FTCDNL1: variants seen among roughly 807,000 people sequenced by gnomAD.
FTCDNL1 encodes the protein formiminotransferase cyclodeaminase N-terminal like, also known as formiminotransferase N-terminal subdomain-containing protein.
Under a neutral mutation model 5.9 loss-of-function variants are expected in FTCDNL1, and 11 were observed. The observed-to-expected ratio is 1.87, with a 90% CI of 1.18 to 3.10. FTCDNL1 has a LOEUF of 3.10. Ranked by LOEUF, FTCDNL1 falls within the 30% of genes most tolerant of loss-of-function variation. The probability of loss-of-function intolerance (pLI) is 0.00; values close to 1 mark genes in which losing one functional copy is unlikely to be tolerated. For synonymous variants in FTCDNL1, 58 were observed against 24.8 expected (o/e 2.34, Z -3.99); for missense variants, 115 against 65.5 (o/e 1.76, Z -2.61).
At chr2:199,733,534 T>G in the FTCDNL1 span, among the ~76,000 whole-genome samples, 1 of 152,158 alleles carries the variant, frequency 6.6e-6, no homozygotes, top group Non-Finnish European at 1.5e-5. Flanking sequence ...TGTGAAGTAT[T>G]CAGAAAGATG....
In FTCDNL1 at chr2:199,836,277, A is replaced by G. The variant is rs191136083; in HGVS notation, c.211+9798T>C. 9.9e-4 allele frequency among the ~76,000 whole-genome samples: 151 copies of G among 152,144 alleles called. 4 individuals carry two copies. In the East Asian group the frequency reaches 0.025, roughly 25 times the overall value. On this transcript the variant is annotated intron_variant, in intron 3 of 4. Coordinates refer to ENST00000420128, the MANE Select transcript of FTCDNL1 (RefSeq NM_001363886.2). Reference sequence around the variant, plus strand: ...CCTCCTGGGCTCAAGGGATCCTCCCATCTCAGCTTCCCAAGTAACTAAGAC... The same window carrying G: ...CCTCCTGGGCTCAAGGGATCCTCCCGTCTCAGCTTCCCAAGTAACTAAGAC...
At chr2:199,837,502 G>A (rs1702834005) in intron 3 of FTCDNL1, among the ~76,000 whole-genome samples, 1 of 152,116 alleles carries the variant, frequency 6.6e-6, no homozygotes, top group Admixed American at 6.5e-5. Flanking sequence ...AGCAACTGGA[G>A]AATCAGAGTA....
the FTCDNL1 span, among the ~76,000 whole-genome samples, chr2:199,753,293 C>T: frequency 6.6e-6 from 1 of 152,108 alleles, no homozygotes; most frequent in African/African-American, 2.4e-5. Flanking sequence ...TGCAGGAGAG[C>T]ATTTCAGGTG....
chr2:199,774,589 A>G (rs1406281165), intron 3 of FTCDNL1, among the ~76,000 whole-genome samples: 6 of 152,082 alleles, frequency 3.9e-5, no homozygotes, highest in African/African-American at 1.4e-4. Context: ...CAGCTCAGAG[A>G]GTTCCAGGCA....
intron 3 of FTCDNL1, among the ~76,000 whole-genome samples, chr2:199,772,884 T>C (rs149344281): frequency 6.6e-4 from 100 of 152,342 alleles, no homozygotes; most frequent in African/African-American, 2.3e-3. Flanking sequence ...CCACACGCCC[T>C]GTATTAATAA....
chr2:199,667,957 C>T, the FTCDNL1 span, among the ~76,000 whole-genome samples: 2 of 152,170 alleles, frequency 1.3e-5, no homozygotes, highest in South Asian at 4.1e-4. Context: ...AAATAGTAGT[C>T]ACCGAACCCA....
chr2:199,717,509 ATTTTTTTTTTTTT>A, the FTCDNL1 span, among the ~76,000 whole-genome samples: 1 of 57,660 alleles, frequency 1.7e-5, no homozygotes, highest in African/African-American at 7.2e-5. Flanking sequence ...CAAGGCAGAG[ATTTTTTTTTTTTT>A]TTTTTTTTTT....
intron 3 of FTCDNL1, among the ~76,000 whole-genome samples, chr2:199,781,082 T>C (rs1041725757): frequency 3.9e-5 from 6 of 152,202 alleles, no homozygotes; most frequent in African/African-American, 1.2e-4. Flanking sequence ...TCCACATAGA[T>C]GTTCATATGA....
Position 199,810,369 on chromosome 2 carries a change from C to G in FTCDNL1, c.*2336G>C, listed in dbSNP as rs960285428. Among the ~76,000 whole-genome samples, 12 of 152,040 alleles carry G rather than the reference C, an allele frequency of 7.9e-5. No homozygotes were observed. In the East Asian group the frequency reaches 1.9e-3, roughly 25 times the overall value. On this transcript the variant is annotated 3_prime_UTR_variant, in exon 5 of 5. Transcript: ENST00000420128. ...CAAACAGCCTTGGAACTGGGAAAAG[C>G]AAAGGGACTCACGTGTTTTGTGATG... is the stretch of plus-strand genomic sequence containing the variant.
chr2:199,766,571 C>A (rs540925375), intron 3 of FTCDNL1, among the ~76,000 whole-genome samples: 2 of 152,302 alleles, frequency 1.3e-5, no homozygotes, highest in African/African-American at 2.4e-5. Context: ...ATAATCACAA[C>A]ATACTATATT....
chr2:199,795,977 G>A (rs1030034150), intron 3 of FTCDNL1, among the ~76,000 whole-genome samples: 2 of 152,004 alleles, frequency 1.3e-5, no homozygotes, highest in Non-Finnish European at 1.5e-5. Flanking sequence ...CATGCTGAGG[G>A]GTGATGATCT....
the FTCDNL1 span, among the ~76,000 whole-genome samples, chr2:199,688,803 A>G: frequency 6.6e-6 from 1 of 152,360 alleles, no homozygotes; most frequent in South Asian, 2.1e-4. Flanking sequence ...ATCTCAGTAC[A>G]GTTCTGCCTC....
the FTCDNL1 span, among the ~76,000 whole-genome samples, chr2:199,704,023 A>G: frequency 2.6e-5 from 4 of 152,254 alleles, no homozygotes; most frequent in South Asian, 8.3e-4. Flanking sequence ...TTGATTTCAG[A>G]GGACTGTTTT....
rs1399702657 is a variant in FTCDNL1 at position 199,848,780 on chromosome 2, C to T, written c.115+68G>A. ...AAAAGTGTTCTGTAGATACAGTGTG[C>T]ACAGTACAAAAATTACTAAATTATC... On this transcript the variant is annotated intron_variant, in intron 2 of 4. Transcript: ENST00000420128. The T allele has an allele frequency of 4.4e-6, 3 of 686,688 alleles. No individual in the cohort carries two copies. The East Asian group carries it at 8.1e-5, about 19-fold the overall frequency. The allele number at this position is 686,688 out of a possible 1,614,324, so 42.5% of individuals were successfully genotyped here.
chr2:199,706,440 A>G, the FTCDNL1 span, among the ~76,000 whole-genome samples: 3 of 152,150 alleles, frequency 2.0e-5, no homozygotes, highest in Non-Finnish European at 2.9e-5. Context: ...TAATGCTCCA[A>G]TTATGCTGGT....
At chr2:199,804,341 A>AT (rs1180798151), downstream of FTCDNL1, among the ~76,000 whole-genome samples, 2 of 152,246 alleles carry the variant, frequency 1.3e-5, no homozygotes, top group Admixed American at 6.5e-5. Context: ...CTACCGCCAG[A>AT]TAAAAAGCAT....
Position 199,850,746 on chromosome 2 carries a change from C to G in FTCDNL1, c.-14G>C, listed in dbSNP as rs917108836. ...GCAAAGTGCAGCAGTTCACCTGCCC[C>G]CTGCGCACGCACCCCACCGGCACTT... On this transcript the variant is annotated 5_prime_UTR_variant, in exon 1 of 5. Coordinates refer to ENST00000420128, the MANE Select transcript of FTCDNL1 (RefSeq NM_001363886.2). 3 of 152,282 alleles carry G rather than the reference C, an allele frequency of 2.0e-5. No homozygotes were observed. Among genetic ancestry groups the G allele is most frequent in the Non-Finnish European group, 4.4e-5 (3 of 68,098 alleles). The allele number at this position is 152,282 out of a possible 1,614,324, so 9.4% of individuals were successfully genotyped here.
chr2:199,822,520 G>T (rs887024998), intron 3 of FTCDNL1, among the ~76,000 whole-genome samples: 1 of 152,220 alleles, frequency 6.6e-6, no homozygotes, highest in African/African-American at 2.4e-5. Flanking sequence ...CAGGCTGATG[G>T]CTGCCGAAGG....
chr2:199,719,626 T>A, the FTCDNL1 span, among the ~76,000 whole-genome samples: 1 of 143,982 alleles, frequency 6.9e-6, no homozygotes, highest in Non-Finnish European at 1.5e-5. Flanking sequence ...ATGTTTGTTT[T>A]TTTGTTTTGT....
Sources: allele counts gnomAD v4.1 joint callset (sites outside exome capture counted in the v4.1 genomes callset), GRCh38; gene constraint gnomAD v4.1.1; transcripts MANE v1.5; gene names NCBI Gene and HGNC (gene_info 2026-07-23, HGNC 2026-07-21).